The following MAGI2 variants were observed in gnomAD, a reference collection of about 807,000 sequenced individuals.
The protein encoded by MAGI2 is membrane-associated guanylate kinase, WW and PDZ domain-containing protein 2.
A neutral mutation model predicts 133.3 loss-of-function variants in MAGI2; 35 were observed. The ratio of observed to expected loss-of-function variants is 0.26; its 90% CI spans 0.20 to 0.35. The LOEUF (loss-of-function observed/expected upper bound fraction) is 0.35. MAGI2 is among the 10% of genes least tolerant of loss of function. MAGI2 has a pLI of 1.00. For missense variants in MAGI2, 1,636 were observed against 1,863.4 expected, an observed-to-expected ratio of 0.88 and a Z score of 2.25; for synonymous variants, 729 against 710.6, an observed-to-expected ratio of 1.03 and a Z score of -0.41.
intron 1 of MAGI2, among the ~76,000 whole-genome samples, chr7:79,273,831 C>G (rs1313374851): frequency 1.3e-5 from 2 of 152,032 alleles, no homozygotes; most frequent in African/African-American, 4.8e-5. Context: ...AAACCTGTTC[C>G]TCTTAGGAAA....
intron 2 of MAGI2, among the ~76,000 whole-genome samples, chr7:78,719,116 C>G (rs1256122765): frequency 6.6e-6 from 1 of 152,190 alleles, no homozygotes; most frequent in Non-Finnish European, 1.5e-5. Context: ...CTGCCTCCAG[C>G]TTTCCAACAT....
intron 9 of MAGI2, among the ~76,000 whole-genome samples, chr7:78,270,704 C>G (rs1794479235): frequency 6.6e-6 from 1 of 151,878 alleles, no homozygotes; most frequent in Non-Finnish European, 1.5e-5. Flanking sequence ...GACGTTAACA[C>G]CCCACTGTCA....
At chr7:78,626,578 A>G (rs1808369371) in intron 3 of MAGI2, among the ~76,000 whole-genome samples, 1 of 152,050 alleles carries the variant, frequency 6.6e-6, no homozygotes, top group African/African-American at 2.4e-5. Flanking sequence ...TGATTTGGGT[A>G]CACAAGGAGA....
intron 6 of MAGI2, among the ~76,000 whole-genome samples, chr7:78,421,671 GT>G (rs576222991): frequency 1.1e-4 from 17 of 152,236 alleles, no homozygotes; most frequent in African/African-American, 4.1e-4. Context: ...ATTAGTGGTG[GT>G]GAACACCTGT....
intron 2 of MAGI2, among the ~76,000 whole-genome samples, chr7:78,840,940 G>A (rs1771474052): frequency 6.6e-6 from 1 of 151,656 alleles, no homozygotes; most frequent in Non-Finnish European, 1.5e-5. Context: ...AAGCTATAAA[G>A]CACTTAACCC....
chr7:78,435,236 G>A (rs182599485), intron 6 of MAGI2, among the ~76,000 whole-genome samples: 28 of 152,240 alleles, frequency 1.8e-4, no homozygotes, highest in Non-Finnish European at 3.4e-4. Flanking sequence ...TATAATAAAT[G>A]TTCACTAAAT....
At chr7:78,400,803 G>A (rs1030896114) in intron 6 of MAGI2, among the ~76,000 whole-genome samples, 2 of 152,266 alleles carry the variant, frequency 1.3e-5, no homozygotes, top group Non-Finnish European at 2.9e-5. Flanking sequence ...AGCAGTGAAT[G>A]TTTAAGTAGT....
At chr7:78,993,642 A>G (rs1806001148) in intron 2 of MAGI2, among the ~76,000 whole-genome samples, 1 of 151,770 alleles carries the variant, frequency 6.6e-6, no homozygotes, top group South Asian at 2.1e-4. Flanking sequence ...GCAGTTCTGT[A>G]TTGTTTATTA....
At chr7:79,038,864 T>C (rs533394406) in intron 1 of MAGI2, among the ~76,000 whole-genome samples, 154 of 152,328 alleles carry the variant, frequency 1.0e-3, no homozygotes, top group African/African-American at 3.6e-3. Flanking sequence ...GTCATGGTAC[T>C]CCATGCTACA....
At chr7:78,370,367 G>A (rs1387316953) in intron 6 of MAGI2, among the ~76,000 whole-genome samples, 1 of 151,956 alleles carries the variant, frequency 6.6e-6, no homozygotes, top group African/African-American at 2.4e-5. Flanking sequence ...TTTCAAGGTG[G>A]CAACAGTAGT....
chr7:79,267,796 G>A (rs1020567397), intron 1 of MAGI2, among the ~76,000 whole-genome samples: 4 of 152,186 alleles, frequency 2.6e-5, no homozygotes, highest in African/African-American at 9.7e-5. Context: ...GGGCTGGATG[G>A]CTGAAGCTTA....
intron 2 of MAGI2, among the ~76,000 whole-genome samples, chr7:78,728,129 G>C (rs939816618): frequency 1.2e-4 from 19 of 152,176 alleles, no homozygotes; most frequent in Admixed American, 3.3e-4. Flanking sequence ...TTGTGTGTAT[G>C]AATATAGATT....
At chr7:79,382,221 T>C (rs902992641) in intron 1 of MAGI2, among the ~76,000 whole-genome samples, 6 of 151,646 alleles carry the variant, frequency 4.0e-5, no homozygotes, top group Non-Finnish European at 1.5e-5. Flanking sequence ...GATGAATGTT[T>C]CACTGGGAAA....
intron 2 of MAGI2, among the ~76,000 whole-genome samples, chr7:78,853,951 A>T (rs1057273151): frequency 2.0e-5 from 2 of 101,202 alleles, no homozygotes; most frequent in Non-Finnish European, 4.5e-5. Flanking sequence ...TGTTATGTTG[A>T]TATGTTTCTC....
At chr7:78,479,407 T>C (rs7789155) in intron 6 of MAGI2, among the ~76,000 whole-genome samples, 110,474 of 151,782 alleles carry the variant, frequency 0.73, 41,889 homozygotes, top group African/African-American at 0.93. Flanking sequence ...CCAGAGAAAA[T>C]ACTTTCCATC....
At chr7:78,166,082 C>T (rs992973525) in intron 15 of MAGI2, among the ~76,000 whole-genome samples, 28 of 152,200 alleles carry the variant, frequency 1.8e-4, no homozygotes, top group African/African-American at 6.3e-4. Flanking sequence ...AAAAGCCTAA[C>T]TGAGTAAAGT....
chr7:78,355,672 G>C (rs1337069514), intron 7 of MAGI2, among the ~76,000 whole-genome samples: 1 of 152,116 alleles, frequency 6.6e-6, no homozygotes, highest in Non-Finnish European at 1.5e-5. Flanking sequence ...TATACACTTA[G>C]CTTTTATGGT....
intron 1 of MAGI2, among the ~76,000 whole-genome samples, chr7:79,304,510 G>A (rs1044998811): frequency 6.6e-6 from 1 of 152,008 alleles, no homozygotes; most frequent in Non-Finnish European, 1.5e-5. Flanking sequence ...GAAAAGCTCC[G>A]ATATACATAG....
intron 6 of MAGI2, among the ~76,000 whole-genome samples, chr7:78,400,585 G>T (rs564515855): frequency 6.6e-6 from 1 of 152,230 alleles, no homozygotes; most frequent in African/African-American, 2.4e-5. Flanking sequence ...GAGACAATCA[G>T]GTTCATGAAA....
Sources: allele counts gnomAD v4.1 joint callset (sites outside exome capture counted in the v4.1 genomes callset), GRCh38; gene constraint gnomAD v4.1.1; transcripts MANE v1.5; gene names NCBI Gene and HGNC (gene_info 2026-07-23, HGNC 2026-07-21).